Variants in RBMS3 observed in about 807,000 individuals in gnomAD.
RBMS3 encodes RNA-binding motif, single-stranded-interacting protein 3.
A neutral mutation model predicts 66.8 loss-of-function variants in RBMS3; 27 were observed. That is an observed-to-expected ratio of 0.40 (90% CI 0.30 to 0.56). The LOEUF (loss-of-function observed/expected upper bound fraction) is 0.56, where lower values mean the gene tolerates loss of function less well. Ranked by LOEUF, RBMS3 falls within the 20% of genes least tolerant of loss-of-function variation. The pLI is 0.40. For missense variants in RBMS3, 513 were observed against 549.5 expected (o/e 0.93, Z 0.66); for synonymous variants, 188 against 183.0 (o/e 1.03, Z -0.22).
intron 1 of RBMS3, among the ~76,000 whole-genome samples, chr3:29,385,728 T>G (rs1375819244): frequency 1.3e-5 from 2 of 152,166 alleles, no homozygotes; most frequent in East Asian, 1.9e-4. Flanking sequence ...TCCATTGATT[T>G]TATTCATATT....
intron 2 of RBMS3, among the ~76,000 whole-genome samples, chr3:29,473,870 C>T (rs770859897): frequency 1.2e-4 from 19 of 152,250 alleles, no homozygotes; most frequent in African/African-American, 3.4e-4. Flanking sequence ...CCCCGGTTCC[C>T]GCTCGCGCCT....
At chr3:29,720,897 G>A (rs1360053900) in intron 4 of RBMS3, among the ~76,000 whole-genome samples, 1 of 152,070 alleles carries the variant, frequency 6.6e-6, no homozygotes, top group Non-Finnish European at 1.5e-5. Flanking sequence ...GAGAAAAGAC[G>A]CTGACTAAAT....
intron 6 of RBMS3, among the ~76,000 whole-genome samples, chr3:29,772,117 C>T (rs912475298): frequency 5.3e-5 from 8 of 151,894 alleles, no homozygotes; most frequent in East Asian, 3.9e-4. Flanking sequence ...CCAACATTGC[C>T]GGCCTTGAAG....
At chr3:29,399,713 ATT>A (rs11328250) in intron 1 of RBMS3, among the ~76,000 whole-genome samples, 78 of 151,594 alleles carry the variant, frequency 5.1e-4, no homozygotes, top group Non-Finnish European at 2.4e-4. Context: ...GAAAAGTAAT[ATT>A]TTTTTTAACC....
At chr3:29,620,464 A>T (rs2048827167) in intron 4 of RBMS3, among the ~76,000 whole-genome samples, 1 of 152,128 alleles carries the variant, frequency 6.6e-6, no homozygotes, top group African/African-American at 2.4e-5. Flanking sequence ...TTAAATCATG[A>T]CTAAGAGAAT....
intron 10 of RBMS3, among the ~76,000 whole-genome samples, chr3:29,927,378 C>A (rs528055631): frequency 1.3e-5 from 2 of 152,132 alleles, no homozygotes; most frequent in Non-Finnish European, 2.9e-5. Flanking sequence ...GCACCACTAA[C>A]TAAGCATCTG....
At chr3:29,936,305 C>G in intron 11 of RBMS3, 109 bp downstream of exon 11, 1 of 1,014,462 alleles carries the variant, frequency 9.9e-7, no homozygotes, top group Non-Finnish European at 1.5e-6. Flanking sequence ...TATTCGTTGA[C>G]TAACACATCT....
intron 6 of RBMS3, among the ~76,000 whole-genome samples, chr3:29,808,013 C>T (rs2057611637): frequency 6.6e-6 from 1 of 151,804 alleles, no homozygotes; most frequent in African/African-American, 2.4e-5. Flanking sequence ...TGTGGTAACC[C>T]ACATACCACA....
At chr3:29,483,187 T>C (rs959543051) in intron 2 of RBMS3, among the ~76,000 whole-genome samples, 2 of 151,166 alleles carry the variant, frequency 1.3e-5, no homozygotes, top group Admixed American at 6.6e-5. Context: ...CGGGCGCCTG[T>C]AGTCCCAGCT....
intron 1 of RBMS3, among the ~76,000 whole-genome samples, chr3:29,340,924 TG>T (rs1186489861): frequency 6.6e-6 from 1 of 152,134 alleles, no homozygotes; most frequent in Non-Finnish European, 1.5e-5. Flanking sequence ...CTATCTGTAA[TG>T]CTTTTTAAAT....
At chr3:29,458,243 G>A (rs2042259791) in intron 2 of RBMS3, among the ~76,000 whole-genome samples, 2 of 152,086 alleles carry the variant, frequency 1.3e-5, no homozygotes, top group Non-Finnish European at 2.9e-5. Flanking sequence ...CTGGCAAATG[G>A]GCTAGTGAAG....
At chr3:29,806,932 A>AT (rs2057568643) in intron 6 of RBMS3, among the ~76,000 whole-genome samples, 1 of 151,836 alleles carries the variant, frequency 6.6e-6, no homozygotes, top group Non-Finnish European at 1.5e-5. Context: ...GTGGCAATGG[A>AT]TTTTTTCCAA....
At chr3:29,467,721 G>A (rs1241790507) in intron 2 of RBMS3, among the ~76,000 whole-genome samples, 2 of 152,046 alleles carry the variant, frequency 1.3e-5, no homozygotes, top group African/African-American at 2.4e-5. Context: ...ATAGCCTTTG[G>A]TCAAACAATT....
intron 1 of RBMS3, among the ~76,000 whole-genome samples, chr3:29,309,023 G>A (rs2034207241): frequency 6.6e-6 from 1 of 151,702 alleles, no homozygotes; most frequent in Non-Finnish European, 1.5e-5. Flanking sequence ...TGAATTTATA[G>A]AAATAACACA....
At chr3:29,657,423 C>T (rs1268022620) in intron 4 of RBMS3, among the ~76,000 whole-genome samples, 1 of 152,132 alleles carries the variant, frequency 6.6e-6, no homozygotes, top group Non-Finnish European at 1.5e-5. Context: ...CACCTTATTA[C>T]TTGAAAGGGA....
intron 13 of RBMS3, among the ~76,000 whole-genome samples, chr3:29,988,653 T>C (rs1698601273): frequency 6.6e-6 from 1 of 152,192 alleles, no homozygotes; most frequent in African/African-American, 2.4e-5. Context: ...CTGGGCATGA[T>C]GGCATGCACC....
intron 4 of RBMS3, among the ~76,000 whole-genome samples, chr3:29,652,184 G>A (rs1172047641): frequency 6.6e-6 from 1 of 152,056 alleles, no homozygotes; most frequent in East Asian, 1.9e-4. Context: ...TTGTAAACCT[G>A]TGAAATGTAC....
intron 12 of RBMS3, among the ~76,000 whole-genome samples, chr3:29,956,640 G>GT (rs1172225747): frequency 6.6e-6 from 1 of 152,098 alleles, no homozygotes; most frequent in Non-Finnish European, 1.5e-5. Flanking sequence ...TTCTCTCACA[G>GT]TTCTAAAATT....
At chr3:29,480,634 G>C (rs950958786) in intron 2 of RBMS3, among the ~76,000 whole-genome samples, 4 of 152,184 alleles carry the variant, frequency 2.6e-5, no homozygotes, top group African/African-American at 7.2e-5. Flanking sequence ...TGTTCCAACA[G>C]AAGTCAGTGT....
Sources: allele counts gnomAD v4.1 joint callset (sites outside exome capture counted in the v4.1 genomes callset), GRCh38; gene constraint gnomAD v4.1.1; transcripts MANE v1.5; gene names NCBI Gene and HGNC (gene_info 2026-07-23, HGNC 2026-07-21).